The following INPP4A variants were observed in gnomAD, a reference collection of about 807,000 sequenced individuals.
INPP4A encodes inositol polyphosphate-4-phosphatase, type I, 107kD.
INPP4A carries 33 observed loss-of-function variants against 119.8 expected under a neutral mutation model. The ratio of observed to expected loss-of-function variants is 0.28; its 90% CI spans 0.21 to 0.37. The LOEUF is 0.37. INPP4A is among the 10% of genes least tolerant of loss of function. The pLI, the probability that INPP4A is intolerant of heterozygous loss-of-function variation, is 1.00. For missense variants in INPP4A, 956 were observed against 1,289.9 expected (o/e 0.74, Z 3.97); for synonymous variants, 496 against 500.7 (o/e 0.99, Z 0.12).
chr2:98,567,373 G>A (rs1157537372), intron 21 of INPP4A, among the ~76,000 whole-genome samples: 4 of 152,228 alleles, frequency 2.6e-5, no homozygotes, highest in East Asian at 1.9e-4. Context: ...CAGGAGAGTC[G>A]TGTCCAGAGG....
chr2:98,584,387 G>A (rs558484814), intron 24 of INPP4A, among the ~76,000 whole-genome samples: 3 of 152,374 alleles, frequency 2.0e-5, no homozygotes, highest in Admixed American at 1.3e-4. Context: ...TAGTGGCTAG[G>A]CAGAGCCCAT....
At chr2:98,500,705 T>C (rs1682955842) in intron 1 of INPP4A, among the ~76,000 whole-genome samples, 1 of 152,188 alleles carries the variant, frequency 6.6e-6, no homozygotes, top group Admixed American at 6.5e-5. Flanking sequence ...GGATTCTTGC[T>C]AAACTGGCCA....
chr2:98,466,186 C>T (rs993963065), intron 1 of INPP4A, among the ~76,000 whole-genome samples: 1 of 152,228 alleles, frequency 6.6e-6, no homozygotes, highest in African/African-American at 2.4e-5. Flanking sequence ...GCTGGGACTA[C>T]AGGCGTACGC....
rs150392836 is a variant in INPP4A, at chr2:98,545,682, G to A, written c.950-287G>A. On this transcript the variant is annotated intron_variant, in intron 11 of 24. Coordinates refer to ENST00000409851, the MANE Select transcript of INPP4A (RefSeq NM_001134225.2). ...ATCTCTCAGTAGAGAGCTGAGTCACGGAAGGCGCAGCATCGTTACCATAGC... is the reference window on the plus strand; with the variant it reads ...ATCTCTCAGTAGAGAGCTGAGTCACAGAAGGCGCAGCATCGTTACCATAGC... Among the ~76,000 whole-genome samples the A allele has an allele frequency of 9.2e-5, 14 of 152,206 alleles. No individual in the cohort carries two copies. In the East Asian group the frequency reaches 1.9e-3, roughly 21 times the overall value.
chr2:98,554,728 G>A lies in INPP4A; in HGVS notation c.1566+239G>A, dbSNP rs117096488. Among the ~76,000 whole-genome samples the A allele has an allele frequency of 3.9e-4, 60 of 152,326 alleles. 1 individual carries two copies. The East Asian group carries it at 0.011, about 28-fold the overall frequency. On this transcript the variant is annotated intron_variant, in intron 15 of 24. Transcript: ENST00000409851. This position sits in a 1 kb window ranked among gnomAD's most constrained non-coding sequence, Gnocchi z 4.7. ...GGGGGCTGGGCCAGCCTCAGACCTG[G>A]ATGAAGAGGAAGACAAGTGGGTTTT...
At chr2:98,512,760 T>G (rs1685370754) in intron 1 of INPP4A, among the ~76,000 whole-genome samples, 2 of 152,144 alleles carry the variant, frequency 1.3e-5, no homozygotes, top group South Asian at 4.1e-4. Flanking sequence ...GGAGAACACG[T>G]TCAAACTGTA....
rs1489874674 is a variant in INPP4A at position 98,592,102 on chromosome 2, C to T, written c.*4494C>T. ...TGTTCCTGGGATGGCTCTTCCAAGA[C>T]CAGCAGTTCCTCCTGGCAGGCAGGC... On this transcript the variant is annotated 3_prime_UTR_variant, in exon 25 of 25. Transcript: ENST00000409851. 6.6e-6 allele frequency: 1 copy of T among 152,306 alleles called. No homozygotes were observed. The highest frequency in any genetic ancestry group is 2.4e-5 in the African/African-American group (1 of 41,458). The allele number at this position is 152,306 out of a possible 1,614,324, so 9.4% of individuals were successfully genotyped here. A position where few individuals can be genotyped will look rare whatever the true frequency, so the allele number is the denominator to read the frequency against.
At position 98,579,162 on chromosome 2, in the gene INPP4A, G is replaced by T. The variant is rs1483675060; in HGVS notation, c.2786+2019G>T. Among the ~76,000 whole-genome samples the T allele has an allele frequency of 2.0e-5, 3 of 150,804 alleles. No individual in the cohort carries two copies. In the East Asian group the frequency reaches 5.8e-4, roughly 29 times the overall value. On this transcript the variant is annotated intron_variant, in intron 24 of 24. Coordinates refer to ENST00000409851, the MANE Select transcript of INPP4A (RefSeq NM_001134225.2). ...CCACCTCCAGAGTTTAAGCAATTCT[G>T]CCCTTGCCTCCTGAGTAGCTGGGAT... is the stretch of plus-strand genomic sequence containing the variant.
intron 17 of INPP4A, among the ~76,000 whole-genome samples, chr2:98,561,857 A>G (rs1037259608): frequency 6.6e-6 from 1 of 152,242 alleles, no homozygotes; most frequent in Admixed American, 6.5e-5. Context: ...GTTTGGCGAG[A>G]AAAACTTGTT....
chr2:98,458,537 T>C (rs551480600), intron 1 of INPP4A, among the ~76,000 whole-genome samples: 24 of 152,286 alleles, frequency 1.6e-4, no homozygotes, highest in African/African-American at 5.5e-4. Flanking sequence ...ACATTCAGAT[T>C]TTTTTTCCTC....
chr2:98,524,250 G>A (rs942033355), intron 4 of INPP4A, among the ~76,000 whole-genome samples: 1 of 142,308 alleles, frequency 7.0e-6, no homozygotes, highest in African/African-American at 2.5e-5. Flanking sequence ...TACCTCAACA[G>A]CATTTATTTA....
At chr2:98,581,703 G>A in intron 24 of INPP4A, 1 of 1,612,890 alleles carries the variant, frequency 6.2e-7, no homozygotes. Context: ...TTTACTGATT[G>A]TGTGGCTCTT....
chr2:98,465,272 G>A (rs1674502611), intron 1 of INPP4A, among the ~76,000 whole-genome samples: 1 of 152,206 alleles, frequency 6.6e-6, no homozygotes, highest in Admixed American at 6.5e-5. Context: ...CTCGGCTGCC[G>A]GCCCCTTCCT....
intron 1 of INPP4A, among the ~76,000 whole-genome samples, chr2:98,449,684 A>G (rs188932882): frequency 2.6e-5 from 4 of 152,356 alleles, no homozygotes; most frequent in Admixed American, 2.6e-4. Context: ...GGTGTCACCC[A>G]TTCTAGACCT....
rs533172033 is a variant in INPP4A at position 98,477,205 on chromosome 2, G to A, written c.-166+32120G>A. Among the ~76,000 whole-genome samples the A allele has an allele frequency of 5.3e-5, 8 of 152,372 alleles. 1 individual carries two copies. The South Asian group carries it at 8.3e-4, about 16-fold the overall frequency. On this transcript the variant is annotated intron_variant, in intron 1 of 24. Transcript: ENST00000409851. Reference sequence around the variant, plus strand: ...TCTCCCTGGGGACGTGTAGCGTGGCGGGTGAGCGGCAGTTGGGGTTGGAGC... The same window carrying A: ...TCTCCCTGGGGACGTGTAGCGTGGCAGGTGAGCGGCAGTTGGGGTTGGAGC...
rs574892035 is a variant in INPP4A, at chr2:98,555,852, C to T, written c.1822+44C>T. 4.0e-6 allele frequency: 6 copies of T among 1,514,630 alleles called. No homozygotes were observed. The South Asian group carries it at 5.0e-5, about 13-fold the overall frequency. 93.8% of individuals were successfully genotyped at this position (1,514,630 alleles called of 1,614,324 possible). On this transcript the variant is annotated intron_variant, in intron 16 of 24. Transcript: ENST00000409851. ...TTCCCATATGCTGCCTCCATTTCAC[C>T]TTGTGCTGCTTCCATTTGTCTGTGT...
At chr2:98,480,036 C>T (rs1678087285) in intron 1 of INPP4A, among the ~76,000 whole-genome samples, 2 of 152,254 alleles carry the variant, frequency 1.3e-5, no homozygotes, top group African/African-American at 4.8e-5. Context: ...GGTCTGTTTC[C>T]TGCAGTCAGG....
intron 1 of INPP4A, among the ~76,000 whole-genome samples, chr2:98,481,937 T>C (rs1204450900): frequency 6.6e-6 from 1 of 152,126 alleles, no homozygotes; most frequent in African/African-American, 2.4e-5. Context: ...CATGTTGGAG[T>C]TGGATTGTTT....
At chr2:98,459,330 A>G (rs1696721032) in intron 1 of INPP4A, among the ~76,000 whole-genome samples, 1 of 152,148 alleles carries the variant, frequency 6.6e-6, no homozygotes. Flanking sequence ...TCAGGGAGCT[A>G]TTAGGAGGAA....
Sources: allele counts gnomAD v4.1 joint callset (sites outside exome capture counted in the v4.1 genomes callset), GRCh38; gene constraint gnomAD v4.1.1; non-coding constraint Gnocchi (gnomAD v3.1); transcripts MANE v1.5; gene names NCBI Gene and HGNC (gene_info 2026-07-23, HGNC 2026-07-21).